The following ADCY10 variants were observed in gnomAD, a reference collection of about 807,000 sequenced individuals.
ADCY10 encodes adenylate cyclase type 10.
ADCY10 carries 156 observed loss-of-function variants against 183.3 expected under a neutral mutation model. The observed-to-expected ratio is 0.85, with a 90% CI of 0.75 to 0.97. The LOEUF is 0.97. Among genes scored for constraint, ADCY10 ranks in the 50% least tolerant of loss-of-function variants. ADCY10 has a pLI of 0.00. For missense variants in ADCY10, 1,745 were observed against 1,934.3 expected (o/e 0.90, Z 1.84); for synonymous variants, 645 against 670.0 (o/e 0.96, Z 0.58).
At position 167,829,051 on chromosome 1, in the gene ADCY10, G is replaced by A. The variant is rs114979527; in HGVS notation, c.3750+216C>T. 0.038 allele frequency among the ~76,000 whole-genome samples: 5,758 copies of A among 152,246 alleles called. 170 individuals are homozygous for A. The highest frequency in any genetic ancestry group is 0.14 in the East Asian group (749 of 5,186). On this transcript the variant is annotated intron_variant, in intron 26 of 32. Coordinates refer to ENST00000367851, the MANE Select transcript of ADCY10 (RefSeq NM_018417.6). The stretch of plus-strand genomic sequence containing the variant: ...TGCTATCAATAGATTCAACCCATAT[G>A]AATAAAAGCTATTCGGGATCTTCAA...
At chr1:167,835,313 T>C (rs2101913256) in intron 23 of ADCY10, among the ~76,000 whole-genome samples, 1 of 152,322 alleles carries the variant, frequency 6.6e-6, no homozygotes, top group Middle Eastern at 3.4e-3. Flanking sequence ...AACAGATTTA[T>C]ATATATATCT....
At position 167,878,702 on chromosome 1, in the gene ADCY10, A is replaced by T. The variant is rs1667665580; in HGVS notation, c.1217-67T>A. The stretch of plus-strand genomic sequence containing the variant: ...GGCATTGAACTGAATGTAATCTGAA[A>T]CATTGTCCCCAAATAGCATTTTTAC... On this transcript the variant is annotated intron_variant, in intron 11 of 32. Coordinates refer to ENST00000367851, the MANE Select transcript of ADCY10 (RefSeq NM_018417.6). 6 of 1,500,376 alleles carry T rather than the reference A, an allele frequency of 4.0e-6. 1 individual carries two copies. The highest frequency in any genetic ancestry group is 5.5e-6 in the Non-Finnish European group (6 of 1,081,182). 92.9% of individuals were successfully genotyped at this position (1,500,376 alleles called of 1,614,324 possible). A position where few individuals can be genotyped will look rare whatever the true frequency, so the allele number is the denominator to read the frequency against.
intron 8 of ADCY10, among the ~76,000 whole-genome samples, chr1:167,892,676 A>G (rs576382094): frequency 3.3e-5 from 5 of 152,274 alleles, no homozygotes; most frequent in South Asian, 2.1e-4. Flanking sequence ...TGTTTTTACA[A>G]TGGGCTGAAG....
chr1:167,891,976 CTT>C (rs376364252), intron 8 of ADCY10, among the ~76,000 whole-genome samples: 31 of 139,894 alleles, frequency 2.2e-4, no homozygotes, highest in Admixed American at 2.1e-4. Flanking sequence ...TTTTTCTTTT[CTT>C]TTTTTTTTTT....
chr1:167,852,280 T>C (rs968769593), intron 18 of ADCY10, among the ~76,000 whole-genome samples: 1 of 152,134 alleles, frequency 6.6e-6, no homozygotes, highest in African/African-American at 2.4e-5. Flanking sequence ...CTGTCTCTAC[T>C]AAAAATATGA....
chr1:167,863,988 C>A (rs1666486811), intron 14 of ADCY10, among the ~76,000 whole-genome samples: 1 of 152,192 alleles, frequency 6.6e-6, no homozygotes, highest in Non-Finnish European at 1.5e-5. Context: ...CCACTCCATT[C>A]CCACTCCATT....
chr1:167,894,073 G>A (rs1668792202), intron 7 of ADCY10, 132 bp from the exon 8 acceptor site: 2 of 697,948 alleles, frequency 2.9e-6, no homozygotes, highest in Non-Finnish European at 2.6e-6. Flanking sequence ...AGGAGACTCT[G>A]GGACACCTAG....
In ADCY10 at chr1:167,831,347, G is replaced by A. The variant is rs562490934; in HGVS notation, c.3593+1640C>T. Among the ~76,000 whole-genome samples, 4 of 151,978 alleles carry A rather than the reference G, an allele frequency of 2.6e-5. No homozygotes were observed. The East Asian group carries it at 5.8e-4, about 22-fold the overall frequency. On this transcript the variant is annotated intron_variant, in intron 25 of 32. Transcript: ENST00000367851. ...TGGGATTACAGGTGCACGCCACCAC[G>A]CCTGGCTAAATTTTTTCTGTATTTT...
At chr1:167,822,321 C>T (rs879566572) in intron 29 of ADCY10, among the ~76,000 whole-genome samples, 180 bp from the exon 30 acceptor site, 2 of 152,172 alleles carry the variant, frequency 1.3e-5, no homozygotes, top group Admixed American at 1.3e-4. Context: ...TTTGCTGAGT[C>T]CTACCTATTG....
chr1:167,842,218 C>A (rs1288292527), intron 21 of ADCY10, among the ~76,000 whole-genome samples: 1 of 152,188 alleles, frequency 6.6e-6, no homozygotes, highest in African/African-American at 2.4e-5. Flanking sequence ...CGGCTCACTG[C>A]ATCCTTGAAC....
At chr1:167,899,666 T>C in intron 5 of ADCY10, 38 bp from the exon 6 acceptor site, 1 of 1,597,916 alleles carries the variant, frequency 6.3e-7, no homozygotes, top group African/African-American at 1.3e-5. Flanking sequence ...CACAAGAAGT[T>C]CTGGATTATT....
rs1330995780 is a variant in ADCY10, at chr1:167,823,222, C to T, written c.4053-99G>A. On this transcript the variant is annotated intron_variant, in intron 28 of 32. Transcript: ENST00000367851. ...TGGGTGGATCACGAGGTCAGGAGTT[C>T]GAGACCAGCCTGGCCAACATGGTGA... 1.1e-5 allele frequency: 10 copies of T among 909,894 alleles called. No individual in the cohort carries two copies. The African/African-American group carries it at 1.5e-4, about 14-fold the overall frequency. 56.4% of individuals were successfully genotyped at this position (909,894 alleles called of 1,614,324 possible).
At chr1:167,888,316 T>C (rs929538960) in intron 8 of ADCY10, among the ~76,000 whole-genome samples, 5 of 152,152 alleles carry the variant, frequency 3.3e-5, no homozygotes, top group Non-Finnish European at 7.3e-5. Context: ...CTGTGAAGAA[T>C]GTCATTGGTA....
At chr1:167,910,386 A>C (rs1670073903) in intron 1 of ADCY10, among the ~76,000 whole-genome samples, 1 of 152,272 alleles carries the variant, frequency 6.6e-6, no homozygotes, top group South Asian at 2.1e-4. Context: ...ACTGGAAATA[A>C]GTCAGAAAAT....
chr1:167,849,953 C>T (rs576939878), intron 18 of ADCY10, among the ~76,000 whole-genome samples: 5 of 152,084 alleles, frequency 3.3e-5, no homozygotes, highest in South Asian at 2.1e-4. Flanking sequence ...ATGTGGGAGA[C>T]GTGTTTGGAG....
intron 22 of ADCY10, 55 bp from the exon 23 acceptor site, chr1:167,836,595 T>A: frequency 7.7e-7 from 1 of 1,304,498 alleles, no homozygotes. Flanking sequence ...CTTTTGATAT[T>A]AAAATATCTT....
chr1:167,820,358 C>T (rs1571215169), intron 30 of ADCY10: 1 of 678,452 alleles, frequency 1.5e-6, no homozygotes, highest in East Asian at 3.1e-5. Flanking sequence ...AGGGGCGGGG[C>T]CAGCCCGCGC....
Position 167,899,440 on chromosome 1 carries a change from C to G in ADCY10, c.625G>C (p.Asp209His), listed in dbSNP as rs768199914. The change falls in exon 6 of 33, where the codon GAT (aspartate) becomes CAT (histidine). Residue 209 changes from aspartate (D) to histidine (H), a missense_variant. Transcript: ENST00000367851. The stretch of plus-strand genomic sequence containing the variant: ...ACACCCACCTTAACTGCTCTCTGAT[C>G]TGGAACACTCTCAATTTCAATCATG... Reference protein sequence around the residue: ...RSMIEIESVPDQRAVKVNFLK... With the variant: ...RSMIEIESVPHQRAVKVNFLK... The G allele has an allele frequency of 1.9e-6, 3 of 1,614,238 alleles. No individual in the cohort carries two copies. In the South Asian group the frequency reaches 3.3e-5, roughly 18 times the overall value.
rs67878347 is a variant in ADCY10, at chr1:167,870,340, G to A, written c.1533C>T (p.Val511=). The A allele has an allele frequency of 0.2, 324,378 of 1,613,342 alleles. 34,505 individuals carry two copies. The highest frequency in any genetic ancestry group is 0.27 in the Admixed American group (16,001 of 59,994). Residue 511 remains valine, a synonymous_variant, in exon 14 of 33, where the codon GTC becomes GTT. Transcript: ENST00000367851. ...ATCCTGGTAATCCCTCATACATTAAGACTTGGCTGCTGTTAGATATCAAAA... is the reference window on the plus strand; with the variant it reads ...ATCCTGGTAATCCCTCATACATTAAAACTTGGCTGCTGTTAGATATCAAAA... The part of the protein sequence containing the change: ...KKFLISNSSQ[V]LMYEGLPGYG...
Sources: gnomAD v4.1 joint callset for allele counts (sites outside exome capture counted in the v4.1 genomes callset) on GRCh38, gnomAD v4.1.1 for gene constraint, MANE v1.5 for transcripts, NCBI Gene and HGNC (gene_info 2026-07-23, HGNC 2026-07-21) for gene names.